The following VIPR2 variants were observed in gnomAD, a reference collection of about 807,000 sequenced individuals.
VIPR2 encodes the protein vasoactive intestinal peptide receptor 2, also known as vasoactive intestinal polypeptide receptor 2.
VIPR2 carries 48 observed loss-of-function variants against 58.0 expected under a neutral mutation model. The ratio of observed to expected loss-of-function variants is 0.83; its 90% CI spans 0.66 to 1.05. The LOEUF (loss-of-function observed/expected upper bound fraction) is 1.05. Among genes scored for constraint, VIPR2 ranks in the 50% least tolerant of loss-of-function variants. The pLI, the probability that VIPR2 is intolerant of heterozygous loss-of-function variation, is 0.00. For missense variants in VIPR2, 534 were observed against 558.0 expected (o/e 0.96, Z 0.43); for synonymous variants, 243 against 235.2 (o/e 1.03, Z -0.30).
At chr7:159,036,509 C>T (rs781051738) in intron 7 of VIPR2, among the ~76,000 whole-genome samples, 2 of 152,112 alleles carry the variant, frequency 1.3e-5, no homozygotes, top group Non-Finnish European at 2.9e-5. Flanking sequence ...TTGTTAACAG[C>T]CCAGTTTGAA....
chr7:159,126,611 C>T (rs751108322), intron 2 of VIPR2, among the ~76,000 whole-genome samples: 9 of 152,128 alleles, frequency 5.9e-5, no homozygotes, highest in East Asian at 1.9e-4. Context: ...AGGTGTGAGA[C>T]GGCCACATGC....
intron 5 of VIPR2, among the ~76,000 whole-genome samples, chr7:159,055,321 C>T (rs79169519): frequency 0.11 from 16,411 of 152,174 alleles, 937 homozygotes; most frequent in Middle Eastern, 0.17. Flanking sequence ...GGGTAGACAC[C>T]GGGTGGCTGC....
chr7:159,031,501 G>A lies in VIPR2; in HGVS notation c.1143+327C>T, dbSNP rs937895881. 2 of 985,194 alleles carry A rather than the reference G, an allele frequency of 2.0e-6. No individual in the cohort carries two copies. Among genetic ancestry groups the A allele is most frequent in the Non-Finnish European group, 2.4e-6 (2 of 829,900 alleles). The allele number at this position is 985,194 out of a possible 1,614,324, so 61.0% of individuals were successfully genotyped here. Reference sequence around the variant, plus strand: ...CGGCTTTCTGGGACTCACAAGCTATGGTCAGGAGCGAGACGCCGACCATGG... The same window carrying A: ...CGGCTTTCTGGGACTCACAAGCTATAGTCAGGAGCGAGACGCCGACCATGG... On this transcript the variant is annotated intron_variant, in intron 12 of 12. Transcript: ENST00000262178. The surrounding 1 kb of genome is among the most constrained non-coding windows in gnomAD (Gnocchi z 4.0).
intron 2 of VIPR2, among the ~76,000 whole-genome samples, chr7:159,119,572 G>A (rs945958698): frequency 2.6e-5 from 4 of 152,196 alleles, no homozygotes; most frequent in African/African-American, 7.2e-5. Flanking sequence ...CAACCCCAAC[G>A]CTCTGACATG....
chr7:159,101,550 T>C (rs1349552219), intron 4 of VIPR2, among the ~76,000 whole-genome samples: 31 of 55,076 alleles, frequency 5.6e-4, no homozygotes, highest in South Asian at 7.8e-4. Flanking sequence ...GCGGTTCCCC[T>C]GACTGTTCCT....
At chr7:159,119,293 C>G (rs1207381941) in intron 2 of VIPR2, among the ~76,000 whole-genome samples, 1 of 152,214 alleles carries the variant, frequency 6.6e-6, no homozygotes, top group Non-Finnish European at 1.5e-5. Flanking sequence ...CCTCAGTTTG[C>G]TCCTCTGCAG....
At chr7:159,062,166 G>A (rs1035677945) in intron 4 of VIPR2, among the ~76,000 whole-genome samples, 6 of 152,314 alleles carry the variant, frequency 3.9e-5, no homozygotes, top group South Asian at 4.1e-4. Context: ...CCTTCCCGAC[G>A]GAGACGGGAG....
In VIPR2 at chr7:159,144,721, G is replaced by C. The variant is rs1050336654; in HGVS notation, c.51C>G (p.Pro17=). The C allele has an allele frequency of 7.5e-7, 1 of 1,328,274 alleles. No individual in the cohort carries two copies. The highest frequency in any genetic ancestry group is 1.5e-5 in the African/African-American group (1 of 64,750). 82.3% of individuals were successfully genotyped at this position (1,328,274 alleles called of 1,614,324 possible). Residue 17 remains proline (P), a splice_region_variant and synonymous_variant, in exon 1 of 13, where the codon CCC becomes CCG. Coordinates refer to ENST00000262178, the MANE Select transcript of VIPR2 (RefSeq NM_003382.5). ...GGGCGGGGGTCGCGGGCGCACTCACGGGGGCGAGCAGCCAGCAGGTCAGCA... is the reference window on the plus strand; with the variant it reads ...GGGCGGGGGTCGCGGGCGCACTCACCGGGGCGAGCAGCCAGCAGGTCAGCA... ...PALLTCWLLA[P]VNSIHPECRF... is the part of the protein sequence containing the mutation.
intron 4 of VIPR2, among the ~76,000 whole-genome samples, chr7:159,092,968 C>T (rs1246823304): frequency 6.6e-6 from 1 of 152,142 alleles, no homozygotes; most frequent in Non-Finnish European, 1.5e-5. Flanking sequence ...ACTGTTGTTA[C>T]CCACACACGC....
intron 2 of VIPR2, among the ~76,000 whole-genome samples, chr7:159,124,518 C>T (rs183713389): frequency 1.3e-5 from 2 of 152,186 alleles, no homozygotes; most frequent in East Asian, 1.9e-4. Context: ...GTTTTTGTAC[C>T]ACTACCATGC....
chr7:159,063,812 T>G (rs1197553541), intron 4 of VIPR2, among the ~76,000 whole-genome samples: 6 of 73,428 alleles, frequency 8.2e-5, no homozygotes, highest in African/African-American at 3.0e-4. Context: ...GGTCCGGGGG[T>G]CCTGGTGGGG....
Position 159,031,750 on chromosome 7 carries a change from G to T in VIPR2, c.1143+78C>A. The T allele has an allele frequency of 6.2e-7, 1 of 1,609,754 alleles. No individual in the cohort carries two copies. The highest frequency in any genetic ancestry group is 8.5e-7 in the Non-Finnish European group (1 of 1,179,142). ...CCGCGGAAGACAGGCATGTGTGGGG[G>T]CTGCGGCACCAGGCTGGGCAGCATC... On this transcript the variant is annotated intron_variant, in intron 12 of 12. Coordinates refer to ENST00000262178, the MANE Select transcript of VIPR2 (RefSeq NM_003382.5). The surrounding 1 kb of genome is among the most constrained non-coding windows in gnomAD (Gnocchi z 4.0).
intron 5 of VIPR2, among the ~76,000 whole-genome samples, chr7:159,053,079 A>G (rs1422538502): frequency 1.3e-5 from 2 of 152,154 alleles, no homozygotes; most frequent in Admixed American, 6.5e-5. Flanking sequence ...CCATAAATGG[A>G]TTTAGTGAGG....
rs1418153285 is a variant in VIPR2 at position 159,095,447 on chromosome 7, C to T, written c.357+8310G>A. On this transcript the variant is annotated intron_variant, in intron 4 of 12. Transcript: ENST00000262178. This position sits in a 1 kb window ranked among gnomAD's most constrained non-coding sequence, Gnocchi z 5.2. Reference sequence around the variant, plus strand: ...TTCAAAACAGCTGCTAAGAAAGATACAGCAGAGAGAATGTGACAACTGAGT... The same window carrying T: ...TTCAAAACAGCTGCTAAGAAAGATATAGCAGAGAGAATGTGACAACTGAGT... 2.0e-5 allele frequency among the ~76,000 whole-genome samples: 3 copies of T among 152,330 alleles called. No homozygotes were observed. Among genetic ancestry groups the T allele is most frequent in the Non-Finnish European group, 4.4e-5 (3 of 68,026 alleles).
chr7:159,119,837 G>A (rs932150549), intron 2 of VIPR2, among the ~76,000 whole-genome samples: 3 of 151,286 alleles, frequency 2.0e-5, no homozygotes, highest in Non-Finnish European at 4.4e-5. Context: ...AGGTGGGGTC[G>A]GAAGAAACAC....
At chr7:159,114,839 G>A (rs1475298366) in intron 2 of VIPR2, among the ~76,000 whole-genome samples, 1 of 150,366 alleles carries the variant, frequency 6.7e-6, no homozygotes, top group East Asian at 2.0e-4. Context: ...AAGGAAGAAG[G>A]GAGGGAGGGA....
At chr7:159,063,612 G>T (rs968491302) in intron 4 of VIPR2, among the ~76,000 whole-genome samples, 5 of 151,468 alleles carry the variant, frequency 3.3e-5, no homozygotes, top group Admixed American at 3.3e-4. Flanking sequence ...CTCCTCAAGC[G>T]CGGCCAGAGT....
rs1225251369 is a variant in VIPR2 at position 159,144,381 on chromosome 7, G to A, written c.51+340C>T. On this transcript the variant is annotated intron_variant, in intron 1 of 12. Transcript: ENST00000262178. ...CGTGAAACGCGCAGCCCGCGCAGGC[G>A]CCCGCAGCTCCCAGCTCCCGGGACG... 11 of 1,543,216 alleles carry A rather than the reference G, an allele frequency of 7.1e-6. 1 individual carries two copies. The South Asian group carries it at 1.1e-4, about 15-fold the overall frequency.
At chr7:159,063,611 C>T (rs1022470613) in intron 4 of VIPR2, among the ~76,000 whole-genome samples, 69 of 151,412 alleles carry the variant, frequency 4.6e-4, no homozygotes, top group Non-Finnish European at 7.4e-4. Flanking sequence ...GCTCCTCAAG[C>T]GCGGCCAGAG....
Sources: gnomAD v4.1 joint callset for allele counts (sites outside exome capture counted in the v4.1 genomes callset) on GRCh38, gnomAD v4.1.1 for gene constraint, Gnocchi (gnomAD v3.1) non-coding constraint, MANE v1.5 for transcripts, NCBI Gene and HGNC (gene_info 2026-07-23, HGNC 2026-07-21) for gene names.